RALGAPA1: variants seen among roughly 807,000 people sequenced by gnomAD.
RALGAPA1 encodes Ral GTPase activating protein catalytic subunit alpha 1.
In RALGAPA1, 52 loss-of-function variants were observed where a neutral mutation model predicts 269.6. That is an observed-to-expected ratio of 0.19 (90% CI 0.15 to 0.24). The LOEUF (loss-of-function observed/expected upper bound fraction) is 0.24. Among genes scored for constraint, RALGAPA1 ranks in the 10% least tolerant of loss-of-function variants. The pLI is 1.00. For missense variants in RALGAPA1, 1,917 were observed against 3,013.9 expected (o/e 0.64, Z 8.52); for synonymous variants, 817 against 1,008.3 (o/e 0.81, Z 3.60).
chr14:35,742,756 T>C (rs1396777965), intron 10 of RALGAPA1, among the ~76,000 whole-genome samples, 191 bp from the exon 11 acceptor site: 1 of 145,970 alleles, frequency 6.9e-6, no homozygotes, highest in African/African-American at 2.6e-5. Context: ...CTAAGGTATA[T>C]TTCTAGTAAA....
intron 27 of RALGAPA1, among the ~76,000 whole-genome samples, chr14:35,662,939 G>A (rs1041596371): frequency 9.6e-6 from 1 of 104,122 alleles, no homozygotes; most frequent in Non-Finnish European, 1.8e-5. Context: ...TCCTTTTTTG[G>A]GGGGGGGGTG....
At position 35,541,653 on chromosome 14, in the gene RALGAPA1, G is replaced by T. The variant is rs79751013; in HGVS notation, c.*24-1963C>A. On this transcript the variant is annotated intron_variant, in intron 41 of 41. Transcript: ENST00000680220. Reference sequence around the variant, plus strand: ...AAGCACTGCAGATGGATGGCAGAAGGAAAGTGAAGAGCAGTAGTAGCTCAT... The same window carrying T: ...AAGCACTGCAGATGGATGGCAGAAGTAAAGTGAAGAGCAGTAGTAGCTCAT... The T allele has an allele frequency of 2.6e-3, 1,177 of 445,154 alleles. 51 individuals are homozygous for T. The East Asian group carries it at 0.068, about 26-fold the overall frequency. 27.6% of individuals were successfully genotyped at this position (445,154 alleles called of 1,614,324 possible).
rs1443956077 is a variant in RALGAPA1, at chr14:35,572,725, A to T, written c.7210-7T>A. ...CATTTCCCAAATGTCTCAACTGGAA[A>T]GACAAGAAAACAATTTATACTGCTT... On this transcript the variant is annotated splice_polypyrimidine_tract_variant and splice_region_variant and intron_variant, in intron 37 of 41. Coordinates refer to ENST00000680220, the MANE Select transcript of RALGAPA1 (RefSeq NM_001346249.2). 3 of 1,592,964 alleles carry T rather than the reference A, an allele frequency of 1.9e-6. No homozygotes were observed. The highest frequency in any genetic ancestry group is 2.6e-6 in the Non-Finnish European group (3 of 1,171,188).
intron 16 of RALGAPA1, among the ~76,000 whole-genome samples, chr14:35,719,666 C>T (rs2069187053): frequency 6.6e-6 from 1 of 151,984 alleles, no homozygotes; most frequent in Non-Finnish European, 1.5e-5. Context: ...TAAATTACTT[C>T]TATAATCAGA....
chr14:35,687,724 T>C (rs544086066), intron 18 of RALGAPA1, among the ~76,000 whole-genome samples: 117 of 152,356 alleles, frequency 7.7e-4, no homozygotes, highest in Non-Finnish European at 7.3e-4. Flanking sequence ...AGAGGTTCCA[T>C]ATTTAAATCA....
At chr14:35,606,354 T>C (rs760087155) in intron 35 of RALGAPA1, among the ~76,000 whole-genome samples, 1 of 152,204 alleles carries the variant, frequency 6.6e-6, no homozygotes, top group Non-Finnish European at 1.5e-5. Flanking sequence ...GTACAACATG[T>C]TACTGTAGGA....
chr14:35,608,297 C>G (rs891435250), intron 35 of RALGAPA1, among the ~76,000 whole-genome samples: 1 of 152,168 alleles, frequency 6.6e-6, no homozygotes, highest in Non-Finnish European at 1.5e-5. Flanking sequence ...GGGGACTAAG[C>G]ACAAACTTTG....
intron 33 of RALGAPA1, among the ~76,000 whole-genome samples, chr14:35,633,734 T>C (rs1053376799): frequency 3.3e-5 from 5 of 152,162 alleles, no homozygotes; most frequent in Non-Finnish European, 7.4e-5. Flanking sequence ...ATCCTCTATC[T>C]CCCTTTCTTA....
chr14:35,668,049 C>T (rs2064093967), intron 26 of RALGAPA1, among the ~76,000 whole-genome samples: 1 of 152,140 alleles, frequency 6.6e-6, no homozygotes, highest in African/African-American at 2.4e-5. Flanking sequence ...ATAAGCCAAG[C>T]ACAGAAAGAC....
At chr14:35,622,943 A>C (rs2060731914) in intron 35 of RALGAPA1, among the ~76,000 whole-genome samples, 4 of 152,164 alleles carry the variant, frequency 2.6e-5, no homozygotes, top group Non-Finnish European at 4.4e-5. Context: ...TTATACTAAA[A>C]GTACAAAATT....
chr14:35,627,921 G>T lies in RALGAPA1; in HGVS notation c.6026C>A (p.Ser2009Tyr). The change falls in exon 34 of 42, where the codon TCT (serine) becomes TAT (tyrosine). Residue 2009 changes from serine to tyrosine, a missense_variant. Ser to Tyr is a moderately radical substitution (Grantham distance 144, BLOSUM62 -2). Coordinates refer to ENST00000680220, the MANE Select transcript of RALGAPA1 (RefSeq NM_001346249.2). ...TGTAATAACAGTGCGGGCTGCTATA[G>T]AGATTAATCCATGCTGCATTTGAGT... ...VKTQMQHGLI[S>Y]IAARTVITHL... 1 of 1,546,408 alleles carries T rather than the reference G, an allele frequency of 6.5e-7. No homozygotes were observed. Among genetic ancestry groups the T allele is most frequent in the Non-Finnish European group, 8.7e-7 (1 of 1,148,542 alleles).
rs756480072 is a variant in RALGAPA1 at position 35,627,680 on chromosome 14, A to G, written c.6267T>C (p.Gly2089=). 8 of 1,589,720 alleles carry G rather than the reference A, an allele frequency of 5.0e-6. No homozygotes were observed. In the East Asian group the frequency reaches 6.7e-5, roughly 13 times the overall value. The change falls in exon 34 of 42, where the codon GGT becomes GGC. Residue 2089 remains glycine (G), a synonymous_variant. Coordinates refer to ENST00000680220, the MANE Select transcript of RALGAPA1 (RefSeq NM_001346249.2). ...TGGCTGATGCAAGGCCAGCAGATAA[A>G]CCTCCTCCAGGCATATTCTCTTCTG... is the stretch of plus-strand genomic sequence containing the variant. The part of the protein sequence containing the change: ...IRSEENMPGG[G]LSAGLASANS...
intron 35 of RALGAPA1, among the ~76,000 whole-genome samples, chr14:35,609,178 G>C (rs1254475368): frequency 1.3e-5 from 2 of 151,088 alleles, no homozygotes; most frequent in Non-Finnish European, 2.9e-5. Context: ...AGTGAGCCAA[G>C]ACCGCGCCAC....
At chr14:35,586,279 T>C (rs780525840) in intron 37 of RALGAPA1, among the ~76,000 whole-genome samples, 3 of 152,222 alleles carry the variant, frequency 2.0e-5, no homozygotes, top group Non-Finnish European at 4.4e-5. Context: ...GGAATGCTTG[T>C]GATTTTTGCA....
chr14:35,790,224 G>C (rs1041373941), intron 1 of RALGAPA1, among the ~76,000 whole-genome samples: 10 of 152,062 alleles, frequency 6.6e-5, no homozygotes, highest in African/African-American at 2.4e-4. Flanking sequence ...CTGCACTCCA[G>C]CCTGGACGAC....
intron 41 of RALGAPA1, among the ~76,000 whole-genome samples, chr14:35,547,235 A>C (rs2054540167): frequency 6.6e-6 from 1 of 152,162 alleles, no homozygotes; most frequent in Non-Finnish European, 1.5e-5. Flanking sequence ...AACAACTTAC[A>C]CAATAATTTT....
At chr14:35,798,598 G>C (rs542345826) in intron 1 of RALGAPA1, among the ~76,000 whole-genome samples, 1 of 152,264 alleles carries the variant, frequency 6.6e-6, no homozygotes, top group Non-Finnish European at 1.5e-5. Flanking sequence ...TACAAATTAT[G>C]TATCCAAAAA....
chr14:35,540,549 C>G (rs962579192), intron 41 of RALGAPA1, among the ~76,000 whole-genome samples: 3 of 152,078 alleles, frequency 2.0e-5, no homozygotes, highest in African/African-American at 7.2e-5. Context: ...TTATCATTCT[C>G]TAATATGCAG....
chr14:35,669,065 A>C (rs1275320397), intron 26 of RALGAPA1, among the ~76,000 whole-genome samples: 3 of 152,092 alleles, frequency 2.0e-5, no homozygotes, highest in African/African-American at 7.2e-5. Context: ...AAATACTACT[A>C]ATCTTTCAGG....
Sources: allele counts gnomAD v4.1 joint callset (sites outside exome capture counted in the v4.1 genomes callset), GRCh38; gene constraint gnomAD v4.1.1; transcripts MANE v1.5; gene names NCBI Gene and HGNC (gene_info 2026-07-23, HGNC 2026-07-21).